FER: variants seen among roughly 807,000 people sequenced by gnomAD.
FER encodes the protein tyrosine-protein kinase Fer.
In FER, 63 loss-of-function variants were observed where a neutral mutation model predicts 111.0. The ratio of observed to expected loss-of-function variants is 0.57; its 90% CI spans 0.46 to 0.70. The LOEUF (loss-of-function observed/expected upper bound fraction) is 0.70. Ranked by LOEUF, FER falls within the 30% of genes least tolerant of loss-of-function variation. The pLI is 0.00. For missense variants in FER, 914 were observed against 954.0 expected, an observed-to-expected ratio of 0.96 and a Z score of 0.55; for synonymous variants, 327 against 313.9, an observed-to-expected ratio of 1.04 and a Z score of -0.44.
At chr5:108,885,866 A>G (rs1418615094) in intron 9 of FER, among the ~76,000 whole-genome samples, 1 of 151,934 alleles carries the variant, frequency 6.6e-6, no homozygotes, top group East Asian at 1.9e-4. Context: ...TAAATCTGCA[A>G]ATTTTTAGTA....
chr5:109,065,524 A>G (rs1199833551), intron 16 of FER, among the ~76,000 whole-genome samples: 1 of 152,126 alleles, frequency 6.6e-6, no homozygotes, highest in African/African-American at 2.4e-5. Flanking sequence ...GACTCTTCTC[A>G]AGTTTGTGGA....
At chr5:109,019,803 C>T (rs1017744314) in intron 13 of FER, among the ~76,000 whole-genome samples, 2 of 151,832 alleles carry the variant, frequency 1.3e-5, no homozygotes, top group African/African-American at 4.8e-5. Flanking sequence ...ACTTTCCAAA[C>T]TTAACCTATT....
chr5:108,935,145 T>C (rs1378063562), intron 10 of FER, among the ~76,000 whole-genome samples: 3 of 152,062 alleles, frequency 2.0e-5, no homozygotes, highest in African/African-American at 7.2e-5. Context: ...CATAAAAAAT[T>C]ACCACAAATT....
At chr5:108,940,681 A>G (rs780595144) in intron 10 of FER, among the ~76,000 whole-genome samples, 5 of 152,096 alleles carry the variant, frequency 3.3e-5, no homozygotes, top group Non-Finnish European at 5.9e-5. Flanking sequence ...CACAGAGCGA[A>G]GCACTATCTA....
At chr5:108,852,705 TTAATA>T (rs1435777544) in intron 5 of FER, among the ~76,000 whole-genome samples, 1 of 152,106 alleles carries the variant, frequency 6.6e-6, no homozygotes, top group African/African-American at 2.4e-5. Flanking sequence ...GATTTAGTGA[TTAATA>T]TATATCAGCA....
rs932942704 is a variant in FER, at chr5:108,950,763, T to C, written c.1330-3966T>C. 4.6e-5 allele frequency among the ~76,000 whole-genome samples: 7 copies of C among 152,152 alleles called. No individual in the cohort carries two copies. In the South Asian group the frequency reaches 6.2e-4, roughly 14 times the overall value. On this transcript the variant is annotated intron_variant, in intron 11 of 19. Transcript: ENST00000281092. Reference sequence around the variant, plus strand: ...TATATCTGTACAAATAAAAAAATTATGTTCAACTATCAAACTAGAAATGGC... The same window carrying C: ...TATATCTGTACAAATAAAAAAATTACGTTCAACTATCAAACTAGAAATGGC...
At chr5:108,892,235 C>A (rs78962810) in intron 9 of FER, among the ~76,000 whole-genome samples, 3 of 152,088 alleles carry the variant, frequency 2.0e-5, no homozygotes, top group African/African-American at 7.2e-5. Flanking sequence ...CCTGAGGAAT[C>A]GCCACACTGA....
chr5:109,040,019 A>G (rs908228796), intron 14 of FER, among the ~76,000 whole-genome samples: 1 of 152,086 alleles, frequency 6.6e-6, no homozygotes, highest in Non-Finnish European at 1.5e-5. Context: ...TACTTTTGAA[A>G]TTGAACCAAT....
At chr5:108,786,676 A>G (rs1349710680) in intron 2 of FER, among the ~76,000 whole-genome samples, 1 of 151,866 alleles carries the variant, frequency 6.6e-6, no homozygotes, top group Non-Finnish European at 1.5e-5. Context: ...AATTTTTTGT[A>G]TGTTTAGTGG....
intron 13 of FER, among the ~76,000 whole-genome samples, chr5:108,965,809 C>T (rs565109877): frequency 2.6e-4 from 40 of 152,250 alleles, no homozygotes; most frequent in African/African-American, 8.7e-4. Context: ...TGTCCCCAAC[C>T]CACATGAAAG....
chr5:108,796,723 C>G (rs1052695332), intron 2 of FER, among the ~76,000 whole-genome samples: 1 of 151,952 alleles, frequency 6.6e-6, no homozygotes, highest in African/African-American at 2.4e-5. Flanking sequence ...TTCCTTCAGT[C>G]AGATTGTGGT....
At chr5:109,138,086 A>G (rs1443598778) in intron 17 of FER, among the ~76,000 whole-genome samples, 2 of 152,176 alleles carry the variant, frequency 1.3e-5, no homozygotes, top group South Asian at 2.1e-4. Context: ...TTCAGGAACT[A>G]TAGGAGAGAA....
chr5:108,909,548 C>A (rs1019148941), intron 10 of FER, among the ~76,000 whole-genome samples: 2 of 152,012 alleles, frequency 1.3e-5, no homozygotes, highest in Admixed American at 1.3e-4. Context: ...CACTTCTATT[C>A]TATATTTAAC....
intron 5 of FER, among the ~76,000 whole-genome samples, chr5:108,844,143 T>TATGTGTGAACAC (rs1561500801): frequency 2.1e-4 from 19 of 91,014 alleles, no homozygotes; most frequent in African/African-American, 7.9e-4. Flanking sequence ...TGAACATATA[T>TATGTGTGAACAC]GTGTGTGTGA....
At chr5:109,045,309 A>G (rs1315510578) in intron 15 of FER, among the ~76,000 whole-genome samples, 1 of 151,384 alleles carries the variant, frequency 6.6e-6, no homozygotes, top group East Asian at 1.9e-4. Flanking sequence ...TTATATATAT[A>G]CATTATATAC....
chr5:109,148,522 C>A (rs1582259859), intron 17 of FER, among the ~76,000 whole-genome samples: 2 of 152,230 alleles, frequency 1.3e-5, no homozygotes, highest in South Asian at 4.2e-4. Flanking sequence ...TATCAACTCT[C>A]TTACACCAAA....
At chr5:108,911,553 G>C (rs1408228522) in intron 10 of FER, among the ~76,000 whole-genome samples, 1 of 152,076 alleles carries the variant, frequency 6.6e-6, no homozygotes, top group Admixed American at 6.5e-5. Context: ...CCAATGTCTG[G>C]AAGAGTGTTT....
chr5:108,871,662 AATG>A (rs1267510926), intron 7 of FER, among the ~76,000 whole-genome samples, 160 bp downstream of exon 7: 61 of 152,084 alleles, frequency 4.0e-4, no homozygotes, highest in African/African-American at 1.4e-3. Context: ...GTTCTTTGTC[AATG>A]ATGATAACTA....
intron 10 of FER, among the ~76,000 whole-genome samples, chr5:108,916,368 A>G (rs181611647): frequency 2.0e-5 from 3 of 152,092 alleles, no homozygotes; most frequent in Admixed American, 2.0e-4. Context: ...TTGATTCCCA[A>G]AGTTTTTATT....
Sources: allele counts gnomAD v4.1 joint callset (sites outside exome capture counted in the v4.1 genomes callset), GRCh38; gene constraint gnomAD v4.1.1; transcripts MANE v1.5; gene names NCBI Gene and HGNC (gene_info 2026-07-23, HGNC 2026-07-21).